CDK14: variants seen among roughly 807,000 people sequenced by gnomAD.
CDK14 encodes the protein cyclin dependent kinase 14.
Under a neutral mutation model 60.7 loss-of-function variants are expected in CDK14, and 34 were observed. The observed-to-expected ratio is 0.56, with a 90% confidence interval of 0.43 to 0.75. The LOEUF (loss-of-function observed/expected upper bound fraction) is 0.75, where lower values mean the gene tolerates loss of function less well. Among genes scored for constraint, CDK14 ranks in the 30% least tolerant of loss-of-function variants. The probability of loss-of-function intolerance (pLI) is 0.00; values close to 1 mark genes in which losing one functional copy is unlikely to be tolerated. For synonymous variants in CDK14, 197 were observed against 203.7 expected (o/e 0.97, Z 0.28); for missense variants, 482 against 564.1 (o/e 0.85, Z 1.47).
chr7:90,802,737 G>C (rs1343706327), intron 5 of CDK14, among the ~76,000 whole-genome samples: 1 of 152,108 alleles, frequency 6.6e-6, no homozygotes, highest in Admixed American at 6.6e-5. Context: ...CCATAAAATA[G>C]AAGCAATCAA....
Position 90,624,640 on chromosome 7 carries a change from A to C in CDK14, c.123+20391A>C, listed in dbSNP as rs144497485. 1.2e-4 allele frequency among the ~76,000 whole-genome samples: 19 copies of C among 152,348 alleles called. No individual in the cohort carries two copies. In the East Asian group the frequency reaches 3.7e-3, roughly 29 times the overall value. Reference sequence around the variant, plus strand: ...AATGAGATATTTCTGACAGTATTACAAACTGGAGCAGAGGTTTGGTGATAA... The same window carrying C: ...AATGAGATATTTCTGACAGTATTACCAACTGGAGCAGAGGTTTGGTGATAA... On this transcript the variant is annotated intron_variant, in intron 2 of 14. Coordinates refer to ENST00000380050, the MANE Select transcript of CDK14 (RefSeq NM_001287135.2).
At chr7:90,727,494 A>T (rs1802687241) in intron 3 of CDK14, among the ~76,000 whole-genome samples, 1 of 152,176 alleles carries the variant, frequency 6.6e-6, no homozygotes, top group Non-Finnish European at 1.5e-5. Flanking sequence ...TTCTATTCTC[A>T]AATACATTTT....
In CDK14 at chr7:91,045,877, A is replaced by G; in HGVS notation, c.1042-20A>G. 6.4e-7 allele frequency: 1 copy of G among 1,555,730 alleles called. No homozygotes were observed. Among genetic ancestry groups the G allele is most frequent in the Non-Finnish European group, 8.9e-7 (1 of 1,127,386 alleles). On this transcript the variant is annotated intron_variant, in intron 10 of 14. Coordinates refer to ENST00000380050, the MANE Select transcript of CDK14 (RefSeq NM_001287135.2). ...TTGGAAATAATAAGGCTGTTTCCAC[A>G]ATCTCCTACTCTCCACTAGGTTCTT...
chr7:90,955,204 A>G (rs11975684), intron 8 of CDK14, among the ~76,000 whole-genome samples: 3,248 of 152,282 alleles, frequency 0.021, 113 homozygotes, highest in African/African-American at 0.074. Context: ...TGAAACCACA[A>G]GAAATTTTAG....
chr7:91,153,195 A>C (rs1272541645), intron 14 of CDK14, among the ~76,000 whole-genome samples: 1 of 152,218 alleles, frequency 6.6e-6, no homozygotes, highest in Non-Finnish European at 1.5e-5. Flanking sequence ...TTCTAGGCAG[A>C]GAAACTTTCA....
At chr7:90,766,855 G>T (rs940656292) in intron 4 of CDK14, among the ~76,000 whole-genome samples, 1 of 152,032 alleles carries the variant, frequency 6.6e-6, no homozygotes. Context: ...TGTCTGCTCC[G>T]GCTCCACAGC....
At chr7:90,881,998 G>C (rs1366680152) in intron 6 of CDK14, among the ~76,000 whole-genome samples, 3 of 152,044 alleles carry the variant, frequency 2.0e-5, no homozygotes, top group Non-Finnish European at 4.4e-5. Flanking sequence ...AAAATATAAA[G>C]ACCAATGACA....
chr7:90,747,744 T>A lies in CDK14; in HGVS notation c.433T>A (p.Ser145Thr). The A allele has an allele frequency of 1.3e-6, 2 of 1,596,682 alleles. No homozygotes were observed. The highest frequency in any genetic ancestry group is 2.3e-5 in the South Asian group (2 of 86,748). ...AAAGCTGGAAAAACTAGGGGAAGGA[T>A]CTTATGCTACAGTATACAAAGGGAA... Reference protein sequence around the residue: ...YEKLEKLGEGSYATVYKGKSK... With the variant: ...YEKLEKLGEGTYATVYKGKSK... Residue 145 changes from serine to threonine, a missense_variant, in exon 4 of 15, where the codon TCT (serine) becomes ACT (threonine). Ser to Thr is a moderately conservative substitution (Grantham distance 58). Transcript: ENST00000380050.
intron 14 of CDK14, among the ~76,000 whole-genome samples, chr7:91,201,564 C>T (rs1031524967): frequency 6.6e-6 from 1 of 151,494 alleles, no homozygotes; most frequent in Non-Finnish European, 1.5e-5. Flanking sequence ...GTCAAACAAA[C>T]GGAGAACCTT....
At chr7:90,675,747 T>G (rs757413830) in intron 2 of CDK14, among the ~76,000 whole-genome samples, 34 of 152,210 alleles carry the variant, frequency 2.2e-4, no homozygotes, top group Non-Finnish European at 3.8e-4. Flanking sequence ...AGTAATATGA[T>G]TCAAGGATAG....
chr7:90,692,350 C>G (rs961346565), intron 2 of CDK14, among the ~76,000 whole-genome samples: 1 of 152,088 alleles, frequency 6.6e-6, no homozygotes, highest in Admixed American at 6.6e-5. Flanking sequence ...CTTTGGATGG[C>G]TGTGTGTTTA....
intron 5 of CDK14, among the ~76,000 whole-genome samples, chr7:90,857,828 A>T (rs964595212): frequency 6.6e-6 from 1 of 152,124 alleles, no homozygotes; most frequent in African/African-American, 2.4e-5. Flanking sequence ...CCTCACTGGG[A>T]CCAGTGGCTG....
At chr7:90,866,124 C>T (rs1417504858) in intron 6 of CDK14, among the ~76,000 whole-genome samples, 2 of 151,904 alleles carry the variant, frequency 1.3e-5, no homozygotes, top group East Asian at 1.9e-4. Context: ...CATTTAAACT[C>T]TTATTTCAAT....
At chr7:90,748,543 T>G (rs967856151) in intron 4 of CDK14, among the ~76,000 whole-genome samples, 2 of 152,246 alleles carry the variant, frequency 1.3e-5, no homozygotes, top group Non-Finnish European at 2.9e-5. Flanking sequence ...AATAATTTTC[T>G]ATACTGTCCC....
chr7:91,167,955 T>G (rs372834066), intron 14 of CDK14, among the ~76,000 whole-genome samples: 2 of 152,128 alleles, frequency 1.3e-5, no homozygotes, highest in African/African-American at 4.8e-5. Context: ...TGGAAGAGGG[T>G]GCTATAACCT....
At chr7:91,115,816 G>A (rs1799593061) in intron 13 of CDK14, among the ~76,000 whole-genome samples, 1 of 152,148 alleles carries the variant, frequency 6.6e-6, no homozygotes, top group East Asian at 1.9e-4. Flanking sequence ...TCAGACTCTG[G>A]CTTTGGAAGA....
At chr7:90,922,704 A>G (rs1793288077) in intron 8 of CDK14, among the ~76,000 whole-genome samples, 1 of 152,162 alleles carries the variant, frequency 6.6e-6, no homozygotes, top group African/African-American at 2.4e-5. Context: ...CATCTCCTCA[A>G]AAGTTTTTAT....
intron 11 of CDK14, among the ~76,000 whole-genome samples, chr7:91,078,555 T>C (rs565889718): frequency 7.2e-5 from 11 of 152,140 alleles, no homozygotes; most frequent in African/African-American, 2.2e-4. Flanking sequence ...TGCAGTGAGC[T>C]GAGATTGGGC....
chr7:90,810,625 G>A (rs2117039298), intron 5 of CDK14, among the ~76,000 whole-genome samples: 1 of 152,282 alleles, frequency 6.6e-6, no homozygotes, highest in Non-Finnish European at 1.5e-5. Context: ...GGGCAATTAG[G>A]CAGGAGAAGG....
Sources: gnomAD v4.1 joint callset for allele counts (sites outside exome capture counted in the v4.1 genomes callset) on GRCh38, gnomAD v4.1.1 for gene constraint, MANE v1.5 for transcripts, NCBI Gene and HGNC (gene_info 2026-07-23, HGNC 2026-07-21) for gene names.